NLGN1: variants seen among roughly 807,000 people sequenced by gnomAD.
NLGN1 encodes the protein neuroligin-1.
In NLGN1, 12 loss-of-function variants were observed where a neutral mutation model predicts 65.5. The ratio of observed to expected loss-of-function variants is 0.18; its 90% confidence interval spans 0.12 to 0.30. NLGN1 has a LOEUF of 0.30. NLGN1 is among the 10% of genes least tolerant of loss of function. NLGN1 has a pLI of 1.00. For synonymous variants in NLGN1, 350 were observed against 359.5 expected, an observed-to-expected ratio of 0.97 and a Z score of 0.30; for missense variants, 750 against 1,007.1, an observed-to-expected ratio of 0.74 and a Z score of 3.46.
rs75771427 is a variant in NLGN1, at chr3:173,775,793, T to C, written c.494-31887T>C. 8.2e-3 allele frequency among the ~76,000 whole-genome samples: 1,247 copies of C among 152,260 alleles called. 17 individuals are homozygous for C. The highest frequency in any genetic ancestry group is 0.028 in the African/African-American group (1,173 of 41,568). On this transcript the variant is annotated intron_variant, in intron 3 of 6. Transcript: ENST00000457714. ...GAAAAACACAACTAGAGTGACACTT[T>C]GTTAACTTAGGTCATTATAAAAATA...
At chr3:173,807,233 T>A (rs919009136) in intron 3 of NLGN1, among the ~76,000 whole-genome samples, 2 of 152,182 alleles carry the variant, frequency 1.3e-5, no homozygotes, top group Admixed American at 6.5e-5. Flanking sequence ...AGTTTTACAG[T>A]ACATAAGAAA....
chr3:174,076,513 G>C (rs1027714715), intron 4 of NLGN1, among the ~76,000 whole-genome samples: 3 of 152,090 alleles, frequency 2.0e-5, no homozygotes, highest in Admixed American at 6.6e-5. Context: ...GCGTTCCTCT[G>C]TTCTCAACCA....
At chr3:173,590,848 G>C (rs1466746323) in intron 2 of NLGN1, among the ~76,000 whole-genome samples, 2 of 152,058 alleles carry the variant, frequency 1.3e-5, no homozygotes, top group East Asian at 3.9e-4. Flanking sequence ...ATTTCATATA[G>C]AGTTTATATA....
chr3:173,977,947 A>G (rs1579534509), intron 4 of NLGN1, among the ~76,000 whole-genome samples: 1 of 152,134 alleles, frequency 6.6e-6, no homozygotes, highest in East Asian at 1.9e-4. Flanking sequence ...GAATGTCAAC[A>G]TTTTGTGGCT....
At chr3:174,188,135 C>G (rs1731762001) in intron 4 of NLGN1, among the ~76,000 whole-genome samples, 1 of 151,932 alleles carries the variant, frequency 6.6e-6, no homozygotes, top group African/African-American at 2.4e-5. Context: ...GCAAACTTAA[C>G]AACTGCTGAA....
chr3:173,888,984 A>G (rs1734851189), intron 4 of NLGN1, among the ~76,000 whole-genome samples: 1 of 152,178 alleles, frequency 6.6e-6, no homozygotes, highest in Admixed American at 6.5e-5. Flanking sequence ...GTAGAATACT[A>G]CATTTCAAAC....
chr3:173,949,735 A>G (rs1259316839), intron 4 of NLGN1, among the ~76,000 whole-genome samples: 1 of 152,228 alleles, frequency 6.6e-6, no homozygotes, highest in Non-Finnish European at 1.5e-5. Flanking sequence ...TGAAAATTAA[A>G]TAGAACCAGA....
At chr3:174,140,640 T>A (rs11921087) in intron 4 of NLGN1, among the ~76,000 whole-genome samples, 1,658 of 152,290 alleles carry the variant, frequency 0.011, 22 homozygotes, top group African/African-American at 0.037. Flanking sequence ...TAGCCATTAC[T>A]CCACGTTACT....
At chr3:173,655,374 A>T (rs1290687151) in intron 3 of NLGN1, among the ~76,000 whole-genome samples, 1 of 152,094 alleles carries the variant, frequency 6.6e-6, no homozygotes, top group Non-Finnish European at 1.5e-5. Context: ...TTTGTATTGC[A>T]GCAAGTCATT....
At chr3:174,278,471 A>G (rs1750995894) in intron 5 of NLGN1, among the ~76,000 whole-genome samples, 1 of 151,988 alleles carries the variant, frequency 6.6e-6, no homozygotes. Context: ...CCAAACAGAC[A>G]ATGTAGAGTC....
chr3:174,023,621 C>T (rs921134550), intron 4 of NLGN1, among the ~76,000 whole-genome samples: 4 of 152,188 alleles, frequency 2.6e-5, no homozygotes, highest in African/African-American at 9.6e-5. Context: ...TGTCTGAGAA[C>T]TCCCTGAAGT....
At chr3:174,133,025 CAG>C (rs1720500600) in intron 4 of NLGN1, among the ~76,000 whole-genome samples, 1 of 152,166 alleles carries the variant, frequency 6.6e-6, no homozygotes, top group East Asian at 1.9e-4. Context: ...AACCTACTGC[CAG>C]TAAACTAAAA....
chr3:173,425,982 T>C (rs1420432310), intron 1 of NLGN1, among the ~76,000 whole-genome samples: 1 of 152,196 alleles, frequency 6.6e-6, no homozygotes, highest in Admixed American at 6.5e-5. Flanking sequence ...TTTTAATTTT[T>C]TGTGTGTCAT....
intron 4 of NLGN1, among the ~76,000 whole-genome samples, chr3:174,156,836 T>C (rs1445945645): frequency 6.6e-6 from 1 of 151,672 alleles, no homozygotes; most frequent in African/African-American, 2.4e-5. Flanking sequence ...AAGTTAATTG[T>C]AAACTACATT....
intron 3 of NLGN1, among the ~76,000 whole-genome samples, chr3:173,806,574 CT>C (rs1303006887): frequency 6.6e-6 from 1 of 151,940 alleles, no homozygotes; most frequent in Non-Finnish European, 1.5e-5. Flanking sequence ...GTAATGTTTT[CT>C]TTATGTATAT....
chr3:173,433,089 G>A (rs73883136), intron 1 of NLGN1, among the ~76,000 whole-genome samples: 4,382 of 152,064 alleles, frequency 0.029, 209 homozygotes, highest in African/African-American at 0.1. Context: ...CAACATTTTT[G>A]TGTTAATGAG....
intron 2 of NLGN1, among the ~76,000 whole-genome samples, chr3:173,558,857 T>C (rs1372693032): frequency 6.6e-6 from 1 of 151,978 alleles, no homozygotes; most frequent in Non-Finnish European, 1.5e-5. Flanking sequence ...GTATTATGTC[T>C]AATAGAAAAG....
chr3:173,579,971 A>T (rs1746136298), intron 2 of NLGN1, among the ~76,000 whole-genome samples: 1 of 152,104 alleles, frequency 6.6e-6, no homozygotes, highest in South Asian at 2.1e-4. Flanking sequence ...TATAGTAGGT[A>T]TATATGTTTA....
chr3:173,774,689 A>T (rs553304293), intron 3 of NLGN1, among the ~76,000 whole-genome samples: 1 of 152,224 alleles, frequency 6.6e-6, no homozygotes, highest in African/African-American at 2.4e-5. Flanking sequence ...TGTTCAATTT[A>T]AGATCACTTG....
Sources: allele counts gnomAD v4.1 joint callset (sites outside exome capture counted in the v4.1 genomes callset), GRCh38; gene constraint gnomAD v4.1.1; transcripts MANE v1.5; gene names NCBI Gene and HGNC (gene_info 2026-07-23, HGNC 2026-07-21).